Variants in KNTC1 observed in about 807,000 individuals in gnomAD.
The protein encoded by KNTC1 is kinetochore associated 1, also known as kinetochore-associated protein 1.
In KNTC1, 253 loss-of-function variants were observed where a neutral mutation model predicts 314.4. The ratio of observed to expected loss-of-function variants is 0.80; its 90% CI spans 0.73 to 0.89. KNTC1 has a LOEUF of 0.89. KNTC1 is among the 40% of genes least tolerant of loss of function. KNTC1 has a pLI of 0.00. For synonymous variants in KNTC1, 901 were observed against 901.4 expected (o/e 1.00, Z 0.01); for missense variants, 2,475 against 2,572.9 (o/e 0.96, Z 0.82).
chr12:122,551,814 A>G (rs1963217221), intron 16 of KNTC1, 118 bp downstream of exon 16: 7 of 757,144 alleles, frequency 9.2e-6, no homozygotes, highest in Non-Finnish European at 1.6e-5. Context: ...TGTAATTAAG[A>G]TATGACTGAA....
At chr12:122,573,957 T>G (rs557383566) in intron 26 of KNTC1, among the ~76,000 whole-genome samples, 47 of 152,190 alleles carry the variant, frequency 3.1e-4, no homozygotes, top group Non-Finnish European at 5.3e-4. Context: ...AGGGCTATTG[T>G]GAGACCACAG....
At chr12:122,568,191 A>T in intron 20 of KNTC1, 70 bp from the exon 21 acceptor site, 1 of 741,292 alleles carries the variant, frequency 1.3e-6, no homozygotes, top group Non-Finnish European at 2.3e-6. Context: ...GCATTTAAAG[A>T]TAATCCACTT....
rs367958993 is a variant in KNTC1, at chr12:122,603,181, C to A, written c.5039C>A (p.Ser1680Tyr). The A allele has an allele frequency of 9.3e-6, 15 of 1,613,114 alleles. No individual in the cohort carries two copies. Among genetic ancestry groups the A allele is most frequent in the Non-Finnish European group, 1.3e-5 (15 of 1,179,714 alleles). ...ITQTIESCLL[S>Y]IVNPEWAVAI... ...CAGACCATCGAATCCTGCTTACTCT[C>A]TATAGTCAACCCAGAGTGGGCTGTA... Residue 1680 changes from serine (S) to tyrosine (Y), a missense_variant, in exon 48 of 64, where the codon TCT (serine) becomes TAT (tyrosine). Transcript: ENST00000333479.
intron 1 of KNTC1, among the ~76,000 whole-genome samples, chr12:122,529,485 A>T (rs1293535080): frequency 6.6e-6 from 1 of 151,862 alleles, no homozygotes; most frequent in Admixed American, 6.6e-5. Flanking sequence ...TGATCCAGAA[A>T]CCTAATTCAT....
intron 1 of KNTC1, among the ~76,000 whole-genome samples, chr12:122,528,788 C>T: frequency 6.6e-6 from 1 of 152,134 alleles, no homozygotes; most frequent in South Asian, 2.1e-4. Context: ...TGTGCTATGC[C>T]TGTAGGTGCA....
At chr12:122,568,823 G>A (rs527920667) in intron 21 of KNTC1, among the ~76,000 whole-genome samples, 1 of 151,632 alleles carries the variant, frequency 6.6e-6, no homozygotes, top group Non-Finnish European at 1.5e-5. Flanking sequence ...GTGACAGAGT[G>A]AGACTCCGTC....
chr12:122,613,429 C>T, intron 54 of KNTC1, 197 bp from the exon 55 acceptor site: 1 of 653,580 alleles, frequency 1.5e-6, no homozygotes. Flanking sequence ...TTCTTGGAGA[C>T]ATTTAGAAAC....
chr12:122,572,548 CA>C (rs1964764223), intron 24 of KNTC1, among the ~76,000 whole-genome samples: 2 of 152,026 alleles, frequency 1.3e-5, no homozygotes, highest in South Asian at 4.2e-4. Flanking sequence ...TAACTTTTAT[CA>C]ATATTGAAGG....
chr12:122,603,913 GCTCAGGTC>G (rs572047034), intron 48 of KNTC1, among the ~76,000 whole-genome samples: 158 of 152,284 alleles, frequency 1.0e-3, no homozygotes, highest in African/African-American at 3.7e-3. Context: ...TTTAAAAAAT[GCTCAGGTC>G]AGGAACTGGT....
At chr12:122,548,048 A>G (rs553002202) in intron 12 of KNTC1, 79 bp downstream of exon 12, 2 of 776,624 alleles carry the variant, frequency 2.6e-6, no homozygotes, top group Non-Finnish European at 4.1e-6. Context: ...TAGATGTTAA[A>G]TAGTACAGCA....
chr12:122,546,606 A>G lies in KNTC1; in HGVS notation c.764-16A>G, dbSNP rs770386653. 3 of 1,525,450 alleles carry G rather than the reference A, an allele frequency of 2.0e-6. No individual in the cohort carries two copies. The highest frequency in any genetic ancestry group is 1.8e-6 in the Non-Finnish European group (2 of 1,115,282). The allele number at this position is 1,525,450 out of a possible 1,614,324, so 94.5% of individuals were successfully genotyped here. A position where few individuals can be genotyped will look rare whatever the true frequency, so the allele number is the denominator to read the frequency against. The stretch of plus-strand genomic sequence containing the variant: ...TTGAAATAAAATCCTGAGACATCTT[A>G]TTTTCTCTTTTGTAGGTGCAAAGAA... On this transcript the variant is annotated splice_polypyrimidine_tract_variant and intron_variant, in intron 9 of 63. Coordinates refer to ENST00000333479, the MANE Select transcript of KNTC1 (RefSeq NM_014708.6).
In KNTC1 at chr12:122,597,778, C is replaced by T. The variant is rs777081250; in HGVS notation, c.4403C>T (p.Thr1468Met). 41 of 1,613,972 alleles carry T rather than the reference C, an allele frequency of 2.5e-5. No homozygotes were observed. Among genetic ancestry groups the T allele is most frequent in the South Asian group, 2.1e-4 (19 of 91,084 alleles). Residue 1468 changes from threonine to methionine, a missense_variant, in exon 44 of 64, where the codon ACG becomes ATG. By Grantham distance (81) the Thr-to-Met change is moderately conservative. Coordinates refer to ENST00000333479, the MANE Select transcript of KNTC1 (RefSeq NM_014708.6). ...GCAGTTCTTCAGCTCTTCATTGAAA[C>T]GCTGCTCCACAACACAAATGCCGGC... ...CDAVLQLFIE[T>M]LLHNTNAGQG...
rs1221238034 is a variant in KNTC1, at chr12:122,624,633, C to T, written c.6551C>T (p.Ser2184Leu). 1 of 1,613,422 alleles carries T rather than the reference C, an allele frequency of 6.2e-7. No homozygotes were observed. Among genetic ancestry groups the T allele is most frequent in the Non-Finnish European group, 8.5e-7 (1 of 1,179,482 alleles). The change falls in exon 63 of 64, where the codon TCA becomes TTA. Residue 2184 changes from serine (S) to leucine (L), a missense_variant. Ser to Leu is a moderately radical substitution (Grantham distance 145). Transcript: ENST00000333479. ...GCTTCAGTCTTGATAACTGAATATT[C>T]AAAGCACTGCGGGAAACCTGTGCCT... ...DEASVLITEY[S>L]KHCGKPVPPD...
Position 122,575,853 on chromosome 12 carries a change from G to T in KNTC1, c.2540G>T (p.Arg847Leu), listed in dbSNP as rs769739544. 1.2e-6 allele frequency: 2 copies of T among 1,613,330 alleles called. No individual in the cohort carries two copies. The highest frequency in any genetic ancestry group is 8.5e-7 in the Non-Finnish European group (1 of 1,179,728). The change falls in exon 29 of 64, where the codon CGA (arginine) becomes CTA (leucine). Residue 847 changes from arginine (R) to leucine (L), a missense_variant. Physicochemically the swap from Arg to Leu is moderately radical, Grantham distance 102. Transcript: ENST00000333479. ...CTAATGGAGATGAAAAAACTTTTAC[G>T]AGGCTATGGAATAAGAGAGGTAAAT... ...YKLMEMKKLL[R>L]GYGIREVNLL...
At chr12:122,577,613 G>T in intron 30 of KNTC1, 59 bp from the exon 31 acceptor site, 3 of 1,525,724 alleles carry the variant, frequency 2.0e-6, no homozygotes, top group Non-Finnish European at 2.6e-6. Flanking sequence ...AAGAGGTAAG[G>T]CCACACCGTC....
chr12:122,550,509 G>A (rs1963122496), intron 13 of KNTC1, among the ~76,000 whole-genome samples: 1 of 152,000 alleles, frequency 6.6e-6, no homozygotes, highest in African/African-American at 2.4e-5. Flanking sequence ...TTTTGTTGTT[G>A]TTGTTGTTGT....
At chr12:122,587,928 G>A (rs891699153) in intron 39 of KNTC1, 54 bp downstream of exon 39, 111 of 1,457,092 alleles carry the variant, frequency 7.6e-5, no homozygotes, top group African/African-American at 2.5e-4. Context: ...ATGTAAAAGC[G>A]CTAACAGAGG....
intron 24 of KNTC1, among the ~76,000 whole-genome samples, 181 bp downstream of exon 24, chr12:122,571,307 CTGATTTG>C (rs1404643346): frequency 6.6e-6 from 1 of 151,600 alleles, no homozygotes; most frequent in African/African-American, 2.4e-5. Context: ...TTCTTTCTTT[CTGATTTG>C]TGTTAAAACT....
Position 122,530,168 on chromosome 12 carries a change from G to A in KNTC1, c.105G>A (p.Leu35=), listed in dbSNP as rs932806808. ...GAACTGCTTTATATCAAGTAGATTT[G>A]CTAGTGAAGATCTCTTCTGAAAAGG... ...EHGTALYQVD[L]LVKISSEKAS... Residue 35 remains leucine (L), a synonymous_variant, in exon 2 of 64, where the codon TTG becomes TTA. Transcript: ENST00000333479. 1 of 1,613,330 alleles carries A rather than the reference G, an allele frequency of 6.2e-7. No homozygotes were observed. Among genetic ancestry groups the A allele is most frequent in the Non-Finnish European group, 8.5e-7 (1 of 1,179,486 alleles).
Sources: gnomAD v4.1 joint callset for allele counts (sites outside exome capture counted in the v4.1 genomes callset) on GRCh38, gnomAD v4.1.1 for gene constraint, MANE v1.5 for transcripts, NCBI Gene and HGNC (gene_info 2026-07-23, HGNC 2026-07-21) for gene names.